SLC5A1: variants seen among roughly 807,000 people sequenced by gnomAD.
The protein encoded by SLC5A1 is solute carrier family 5 member 1, also known as sodium/glucose cotransporter 1.
SLC5A1 carries 42 observed loss-of-function variants against 73.5 expected under a neutral mutation model. The observed-to-expected ratio is 0.57, with a 90% CI of 0.45 to 0.74. The LOEUF (loss-of-function observed/expected upper bound fraction) is 0.74, where lower values mean the gene tolerates loss of function less well. SLC5A1 is among the 30% of genes least tolerant of loss of function. SLC5A1 has a pLI of 0.00. For missense variants in SLC5A1, 634 were observed against 855.4 expected (o/e 0.74, Z 3.23); for synonymous variants, 300 against 317.4 (o/e 0.95, Z 0.58).
intron 1 of SLC5A1, among the ~76,000 whole-genome samples, chr22:32,045,933 T>G (rs2093936564): frequency 6.6e-6 from 1 of 152,194 alleles, no homozygotes; most frequent in African/African-American, 2.4e-5. Context: ...TTTACACTTC[T>G]CAAGGGTTGT....
At position 32,102,039 on chromosome 22, in the gene SLC5A1, G is replaced by A; in HGVS notation, c.1467G>A (p.Leu489=). 6.2e-7 allele frequency: 1 copy of A among 1,614,000 alleles called. No individual in the cohort carries two copies. Among genetic ancestry groups the A allele is most frequent in the Non-Finnish European group, 8.5e-7 (1 of 1,179,918 alleles). ...TTTCACAGGGAGCCTTTTGGGGACT[G>A]ATCCTAGGACTTCTGATTGGGATTT... is the stretch of plus-strand genomic sequence containing the variant. The part of the protein sequence containing the change: ...RVNEPGAFWG[L]ILGLLIGISR... The change falls in exon 13 of 15, where the codon CTG becomes CTA. Residue 489 remains leucine (L), a synonymous_variant. Transcript: ENST00000266088.
At chr22:32,087,174 T>C (rs1028936171) in intron 10 of SLC5A1, among the ~76,000 whole-genome samples, 16 of 152,190 alleles carry the variant, frequency 1.1e-4, no homozygotes, top group African/African-American at 3.1e-4. Flanking sequence ...AGAGATCTAT[T>C]GTACAACATA....
chr22:32,065,496 C>CTT (rs2093971269), intron 2 of SLC5A1, among the ~76,000 whole-genome samples: 1 of 152,142 alleles, frequency 6.6e-6, no homozygotes, highest in Non-Finnish European at 1.5e-5. Context: ...TCTAATCACT[C>CTT]TGTCATACCC....
rs1317069684 is a variant in SLC5A1 at position 32,111,765 on chromosome 22, G to A, written c.*1552G>A. The A allele has an allele frequency of 6.6e-6, 1 of 152,142 alleles. No individual in the cohort carries two copies. The highest frequency in any genetic ancestry group is 1.5e-5 in the Non-Finnish European group (1 of 68,020). The allele number at this position is 152,142 out of a possible 1,614,324, so 9.4% of individuals were successfully genotyped here. On this transcript the variant is annotated 3_prime_UTR_variant, in exon 15 of 15. Coordinates refer to ENST00000266088, the MANE Select transcript of SLC5A1 (RefSeq NM_000343.4). ...TACTATAGCATGTCAGCAAATACAA[G>A]CAAAGCCCAACACTCTGATTTGCAT...
At chr22:32,100,055 G>A (rs2094033701) in intron 12 of SLC5A1, among the ~76,000 whole-genome samples, 1 of 152,208 alleles carries the variant, frequency 6.6e-6, no homozygotes, top group Admixed American at 6.5e-5. Flanking sequence ...AGTTGGAGAG[G>A]GAAGACATGG....
intron 2 of SLC5A1, among the ~76,000 whole-genome samples, chr22:32,062,135 A>G (rs1342499821): frequency 6.6e-6 from 1 of 152,182 alleles, no homozygotes. Flanking sequence ...TAACAAGTAG[A>G]GTTGTTCTAC....
chr22:32,086,387 C>A, intron 10 of SLC5A1, 60 bp downstream of exon 10: 1 of 1,081,462 alleles, frequency 9.2e-7, no homozygotes, highest in Non-Finnish European at 1.4e-6. Context: ...TGGGTTTAGG[C>A]ACCACCTACA....
Position 32,099,201 on chromosome 22 carries a change from G to T in SLC5A1, c.1299G>T (p.Leu433=), listed in dbSNP as rs749065744. ...ATTTCAGGTTGTTTATCCTGGTGCT[G>T]ATTGGCATCAGCATCGCCTGGGTGC... ...MIAGRLFILV[L]IGISIAWVPI... is the part of the protein sequence containing the mutation. Residue 433 remains leucine, a synonymous_variant, in exon 12 of 15, where the codon CTG becomes CTT. Transcript: ENST00000266088. 1 of 1,608,916 alleles carries T rather than the reference G, an allele frequency of 6.2e-7. No homozygotes were observed. Among genetic ancestry groups the T allele is most frequent in the African/African-American group, 1.3e-5 (1 of 74,444 alleles).
intron 11 of SLC5A1, among the ~76,000 whole-genome samples, chr22:32,097,648 A>G (rs911984668): frequency 1.3e-5 from 2 of 152,194 alleles, no homozygotes. Flanking sequence ...ATGAAGAAGA[A>G]GACAAAAGGG....
At chr22:32,091,054 A>C (rs1039535721) in intron 10 of SLC5A1, among the ~76,000 whole-genome samples, 1 of 152,022 alleles carries the variant, frequency 6.6e-6, no homozygotes, top group African/African-American at 2.4e-5. Flanking sequence ...GTCTATTCAG[A>C]TCCTTTGGCA....
intron 11 of SLC5A1, among the ~76,000 whole-genome samples, chr22:32,098,166 A>G (rs2094029432): frequency 6.6e-6 from 1 of 152,232 alleles, no homozygotes; most frequent in African/African-American, 2.4e-5. Flanking sequence ...ATGTCCATCT[A>G]CCCTATAATC....
rs569644233 is a variant in SLC5A1, at chr22:32,102,356, A to C, written c.1665+119A>C. 32 of 776,368 alleles carry C rather than the reference A, an allele frequency of 4.1e-5. 1 individual carries two copies. The highest frequency in any genetic ancestry group is 3.1e-4 in the South Asian group (21 of 67,616). 48.1% of individuals were successfully genotyped at this position (776,368 alleles called of 1,614,324 possible). On this transcript the variant is annotated intron_variant, in intron 13 of 14. Transcript: ENST00000266088. Reference sequence around the variant, plus strand: ...ATAGTTGTATATAATTATGGGGTACATGTAATGTTTTGATACAGGCATACA... The same window carrying C: ...ATAGTTGTATATAATTATGGGGTACCTGTAATGTTTTGATACAGGCATACA...
At chr22:32,078,079 A>G (rs971150588) in intron 5 of SLC5A1, among the ~76,000 whole-genome samples, 3 of 152,118 alleles carry the variant, frequency 2.0e-5, no homozygotes, top group African/African-American at 7.2e-5. Flanking sequence ...CTACCATCAA[A>G]TTGTAAATGT....
intron 10 of SLC5A1, among the ~76,000 whole-genome samples, chr22:32,091,060 T>G (rs551588029): frequency 6.6e-6 from 1 of 152,148 alleles, no homozygotes; most frequent in African/African-American, 2.4e-5. Context: ...TCAGATCCTT[T>G]GGCATTTTAA....
intron 11 of SLC5A1, among the ~76,000 whole-genome samples, chr22:32,095,201 G>A (rs139547947): frequency 6.6e-6 from 1 of 152,154 alleles, no homozygotes; most frequent in Admixed American, 6.5e-5. Context: ...TGTGGTCTGA[G>A]AGAGTACTTG....
At chr22:32,056,513 G>T (rs2093952212) in intron 2 of SLC5A1, among the ~76,000 whole-genome samples, 1 of 130,692 alleles carries the variant, frequency 7.7e-6, no homozygotes, top group African/African-American at 2.9e-5. Context: ...AATGTATAAT[G>T]AATATATTAT....
At chr22:32,075,380 T>G (rs1263624488) in intron 5 of SLC5A1, among the ~76,000 whole-genome samples, 1 of 152,126 alleles carries the variant, frequency 6.6e-6, no homozygotes, top group Non-Finnish European at 1.5e-5. Flanking sequence ...TTGGGTGGGA[T>G]GAAGGCATAG....
intron 2 of SLC5A1, chr22:32,059,359 G>A (rs903155832): frequency 3.0e-6 from 3 of 984,958 alleles, no homozygotes; most frequent in South Asian, 4.7e-5. Context: ...GAGATTGGAG[G>A]ATGGAGATCG....
intron 2 of SLC5A1, among the ~76,000 whole-genome samples, chr22:32,062,828 G>A (rs757660623): frequency 6.6e-6 from 1 of 152,194 alleles, no homozygotes; most frequent in South Asian, 2.1e-4. Context: ...TGGCAGGGGA[G>A]TACAGGTCAT....
Sources: gnomAD v4.1 joint callset for allele counts (sites outside exome capture counted in the v4.1 genomes callset) on GRCh38, gnomAD v4.1.1 for gene constraint, MANE v1.5 for transcripts, NCBI Gene and HGNC (gene_info 2026-07-23, HGNC 2026-07-21) for gene names.